The following DOCK3 variants were observed in gnomAD, a reference collection of about 807,000 sequenced individuals.
DOCK3 encodes the protein dedicator of cytokinesis 3.
Under a neutral mutation model 265.6 loss-of-function variants are expected in DOCK3, and 60 were observed. The ratio of observed to expected loss-of-function variants is 0.23; its 90% CI spans 0.18 to 0.28. The LOEUF is 0.28. Ranked by LOEUF, DOCK3 falls within the 10% of genes least tolerant of loss-of-function variation. The probability of loss-of-function intolerance (pLI) is 1.00; values close to 1 mark genes in which losing one functional copy is unlikely to be tolerated. For synonymous variants in DOCK3, 881 were observed against 938.0 expected (o/e 0.94, Z 1.11); for missense variants, 1,981 against 2,594.3 (o/e 0.76, Z 5.14).
chr3:51,150,452 C>T (rs1315675467), intron 10 of DOCK3, among the ~76,000 whole-genome samples: 1 of 152,076 alleles, frequency 6.6e-6, no homozygotes, highest in Non-Finnish European at 1.5e-5. Context: ...TAGATCTTTC[C>T]TGCTTTCTCT....
intron 12 of DOCK3, among the ~76,000 whole-genome samples, chr3:51,189,190 A>G (rs563331596): frequency 6.6e-6 from 1 of 152,204 alleles, no homozygotes; most frequent in Non-Finnish European, 1.5e-5. Context: ...GTGATGTTGA[A>G]CATTTTTGCA....
intron 5 of DOCK3, among the ~76,000 whole-genome samples, chr3:50,962,858 C>T (rs922034515): frequency 2.0e-5 from 3 of 152,126 alleles, no homozygotes; most frequent in Admixed American, 6.6e-5. Flanking sequence ...AAATTAACCT[C>T]GATTTTAAAT....
At chr3:51,227,909 A>G (rs2090397372) in intron 16 of DOCK3, 73 bp from the exon 17 acceptor site, 1 of 1,425,422 alleles carries the variant, frequency 7.0e-7, no homozygotes, top group East Asian at 2.3e-5. Context: ...CATAGGTGAT[A>G]AGCACAAGGA....
chr3:50,929,779 G>A (rs952745149), intron 4 of DOCK3, among the ~76,000 whole-genome samples: 1 of 152,184 alleles, frequency 6.6e-6, no homozygotes, highest in Non-Finnish European at 1.5e-5. Context: ...ATTTTGATAA[G>A]ACATCTGTAA....
chr3:50,941,132 G>A (rs1422156796), intron 5 of DOCK3, among the ~76,000 whole-genome samples: 1 of 152,052 alleles, frequency 6.6e-6, no homozygotes, highest in Non-Finnish European at 1.5e-5. Flanking sequence ...GGATGAAAAG[G>A]TAAGCCATAT....
chr3:50,985,504 T>C (rs1347098903), intron 5 of DOCK3, among the ~76,000 whole-genome samples: 1 of 152,200 alleles, frequency 6.6e-6, no homozygotes, highest in Admixed American at 6.5e-5. Context: ...TAACAGACAT[T>C]GTAGAGACAC....
intron 32 of DOCK3, among the ~76,000 whole-genome samples, chr3:51,325,698 G>A (rs1433579373): frequency 3.9e-5 from 6 of 152,194 alleles, no homozygotes; most frequent in Non-Finnish European, 7.3e-5. Context: ...TAAAGAAAAT[G>A]TGGCACATAT....
chr3:50,873,654 TA>T (rs2047545634), intron 3 of DOCK3, among the ~76,000 whole-genome samples: 1 of 152,238 alleles, frequency 6.6e-6, no homozygotes, highest in South Asian at 2.1e-4. Context: ...AACTGCCTTT[TA>T]AATTTATTTA....
chr3:51,341,869 A>G (rs1467688498), intron 38 of DOCK3, among the ~76,000 whole-genome samples: 1 of 152,140 alleles, frequency 6.6e-6, no homozygotes, highest in East Asian at 1.9e-4. Flanking sequence ...GGCTCCTCTC[A>G]TATTGGGGTT....
intron 5 of DOCK3, among the ~76,000 whole-genome samples, chr3:50,992,863 A>G (rs1327364612): frequency 6.6e-6 from 1 of 152,180 alleles, no homozygotes; most frequent in Non-Finnish European, 1.5e-5. Flanking sequence ...CACAAATAAC[A>G]AGCTCCAAAA....
chr3:51,275,149 G>A lies in DOCK3; in HGVS notation c.2619G>A (p.Leu873=). ...TTCACCTGAGGCAGCAGAAAGAGCT[G>A]CTAATTTGCTCAGGGATTCTTGGCA... The part of the protein sequence containing the change: ...IHLHLRQQKE[L]LICSGILGSI... Residue 873 remains leucine, a synonymous_variant, in exon 25 of 53, where the codon CTG becomes CTA. Transcript: ENST00000266037. 1 of 1,614,000 alleles carries A rather than the reference G, an allele frequency of 6.2e-7. No homozygotes were observed. Among genetic ancestry groups the A allele is most frequent in the Non-Finnish European group, 8.5e-7 (1 of 1,179,890 alleles).
At chr3:51,360,987 T>C (rs188061141) in intron 47 of DOCK3, among the ~76,000 whole-genome samples, 2 of 152,236 alleles carry the variant, frequency 1.3e-5, no homozygotes, top group East Asian at 3.9e-4. Flanking sequence ...GTCAGCACTC[T>C]GAGTAGAGCC....
At chr3:51,296,445 T>A (rs1576693115) in intron 27 of DOCK3, among the ~76,000 whole-genome samples, 1 of 151,402 alleles carries the variant, frequency 6.6e-6, no homozygotes, top group South Asian at 2.1e-4. Flanking sequence ...TCAACAAAAC[T>A]GGAGAGTCCA....
At chr3:51,069,770 A>G (rs574153402) in intron 6 of DOCK3, among the ~76,000 whole-genome samples, 1 of 152,318 alleles carries the variant, frequency 6.6e-6, no homozygotes, top group South Asian at 2.1e-4. Flanking sequence ...TAAGATACAC[A>G]AGCAGTAGTT....
In DOCK3 at chr3:50,926,603, A is replaced by G. The variant is rs572859482; in HGVS notation, c.219-7378A>G. 2.6e-5 allele frequency among the ~76,000 whole-genome samples: 4 copies of G among 152,314 alleles called. No homozygotes were observed. In the South Asian group the frequency reaches 8.3e-4, roughly 32 times the overall value. On this transcript the variant is annotated intron_variant, in intron 4 of 52. Transcript: ENST00000266037. The stretch of plus-strand genomic sequence containing the variant: ...GAGATCTGGGGCTTCAGTTAGATGA[A>G]AGTGGGACTTGAAAGGGAATTAGCA...
intron 1 of DOCK3, among the ~76,000 whole-genome samples, chr3:50,686,823 C>T (rs1483501546): frequency 2.1e-5 from 3 of 140,094 alleles, no homozygotes; most frequent in African/African-American, 8.1e-5. Flanking sequence ...GCAGGAGAAT[C>T]GTTTGAACCT....
intron 2 of DOCK3, among the ~76,000 whole-genome samples, chr3:50,809,378 C>T (rs993162055): frequency 9.9e-5 from 15 of 152,160 alleles, no homozygotes; most frequent in Non-Finnish European, 1.6e-4. Flanking sequence ...GAGCTACCAC[C>T]AGATGGCCAC....
intron 49 of DOCK3, among the ~76,000 whole-genome samples, chr3:51,366,661 T>G (rs2087200720): frequency 6.6e-6 from 1 of 152,240 alleles, no homozygotes; most frequent in African/African-American, 2.4e-5. Context: ...CTGCTTTAAA[T>G]GTGTCCCAGA....
intron 1 of DOCK3, among the ~76,000 whole-genome samples, chr3:50,734,245 A>G (rs2038418189): frequency 6.6e-6 from 1 of 152,208 alleles, no homozygotes; most frequent in South Asian, 2.1e-4. Flanking sequence ...ATAGTGACTC[A>G]TGCCTGTAAT....
Sources: allele counts gnomAD v4.1 joint callset (sites outside exome capture counted in the v4.1 genomes callset), GRCh38; gene constraint gnomAD v4.1.1; transcripts MANE v1.5; gene names NCBI Gene and HGNC (gene_info 2026-07-23, HGNC 2026-07-21).